Variants in AZIN2 observed in about 807,000 individuals in gnomAD.
The protein encoded by AZIN2 is antizyme inhibitor 2, also known as ODC antizyme inhibitor-2.
Under a neutral mutation model 47.8 loss-of-function variants are expected in AZIN2, and 28 were observed. The ratio of observed to expected loss-of-function variants is 0.59; its 90% CI spans 0.43 to 0.80. The LOEUF is 0.80. AZIN2 is among the 30% of genes least tolerant of loss of function. The probability of loss-of-function intolerance (pLI) is 0.00; values close to 1 mark genes in which losing one functional copy is unlikely to be tolerated. For missense variants in AZIN2, 535 were observed against 582.5 expected (o/e 0.92, Z 0.84); for synonymous variants, 221 against 239.4 (o/e 0.92, Z 0.71).
chr1:33,124,036 T>C (rs1252537239), downstream of AZIN2, among the ~76,000 whole-genome samples: 1 of 151,326 alleles, frequency 6.6e-6, no homozygotes, highest in Non-Finnish European at 1.5e-5. This position sits in a 1 kb window ranked among gnomAD's most constrained non-coding sequence, Gnocchi z 4.6. Context: ...CATGGTGGCG[T>C]GCACCTCTAA....
chr1:33,095,879 C>T (rs920208758), intron 8 of AZIN2, among the ~76,000 whole-genome samples: 1 of 152,148 alleles, frequency 6.6e-6, no homozygotes, highest in Non-Finnish European at 1.5e-5. Context: ...ACTCTATCAC[C>T]CAGGCGTGAG....
In AZIN2 at chr1:33,092,112, C is replaced by T. The variant is rs1375369890; in HGVS notation, c.342C>T (p.Pro114=). The change falls in exon 6 of 12, where the codon CCC becomes CCT. Residue 114 remains proline (P), a synonymous_variant. Transcript: ENST00000294517. ...CCAGTAAGATCATCTGCGCCAACCCCTGTAAGCAAATTGCACAGATCAAAT... is the reference window on the plus strand; with the variant it reads ...CCAGTAAGATCATCTGCGCCAACCCTTGTAAGCAAATTGCACAGATCAAAT... ...IPASKIICAN[P]CKQIAQIKYA... is the part of the protein sequence containing the mutation. 2 of 1,614,172 alleles carry T rather than the reference C, an allele frequency of 1.2e-6. No homozygotes were observed. Among genetic ancestry groups the T allele is most frequent in the Admixed American group, 1.7e-5 (1 of 60,018 alleles).
chr1:33,090,775 G>C (rs1371962190), intron 5 of AZIN2, among the ~76,000 whole-genome samples: 1 of 152,114 alleles, frequency 6.6e-6, no homozygotes, highest in Non-Finnish European at 1.5e-5. Context: ...TAGTCACCAT[G>C]ATGTACATTA....
At chr1:33,147,813 G>C in the AZIN2 span, 2 of 1,489,644 alleles carry the variant, frequency 1.3e-6, no homozygotes, top group African/African-American at 2.8e-5. The surrounding 1 kb of genome is among the most constrained non-coding windows in gnomAD (Gnocchi z 8.1). Flanking sequence ...GCAGAGTTCT[G>C]GTTGGTACGC....
the AZIN2 span, chr1:33,142,175 A>C: frequency 1.3e-5 from 2 of 152,138 alleles, no homozygotes; most frequent in Non-Finnish European, 2.9e-5. Context: ...GGGCCTTTGC[A>C]ACTGACCTTG....
rs1465736908 is a variant in AZIN2 at position 33,113,223 on chromosome 1, C to G, written c.1030-4679C>G. 1.3e-5 allele frequency among the ~76,000 whole-genome samples: 2 copies of G among 152,244 alleles called. No individual in the cohort carries two copies. Among genetic ancestry groups the G allele is most frequent in the African/African-American group, 4.8e-5 (2 of 41,474 alleles). On this transcript the variant is annotated intron_variant, in intron 10 of 11. Transcript: ENST00000294517. This position sits in a 1 kb window ranked among gnomAD's most constrained non-coding sequence, Gnocchi z 4.1. ...GACCTCATGATCTGCCTACCTCTGCCTCCCAAAGTGTTGGGATTCCAGGCG... is the reference window on the plus strand; with the variant it reads ...GACCTCATGATCTGCCTACCTCTGCGTCCCAAAGTGTTGGGATTCCAGGCG...
the AZIN2 span, chr1:33,159,653 G>C: frequency 1.3e-6 from 2 of 1,582,172 alleles, no homozygotes; most frequent in Admixed American, 1.7e-5. The surrounding 1 kb of genome is among the most constrained non-coding windows in gnomAD (Gnocchi z 4.2). Flanking sequence ...GGAGGGGATG[G>C]TCAGCCGGGG....
chr1:33,158,648 G>A, the AZIN2 span, among the ~76,000 whole-genome samples: 5 of 152,136 alleles, frequency 3.3e-5, no homozygotes, highest in Admixed American at 2.6e-4. Context: ...CACAGTGCTC[G>A]GTCACGGTCA....
At chr1:33,104,167 G>A (rs1329667887) in intron 10 of AZIN2, among the ~76,000 whole-genome samples, 1 of 152,278 alleles carries the variant, frequency 6.6e-6, no homozygotes, top group East Asian at 1.9e-4. Context: ...ACAGGCATGA[G>A]CCACTGTACC....
chr1:33,166,528 C>T, the AZIN2 span, among the ~76,000 whole-genome samples: 1 of 152,090 alleles, frequency 6.6e-6, no homozygotes, highest in Non-Finnish European at 1.5e-5. Flanking sequence ...ATCATTTGGG[C>T]CTCTCAGTAA....
chr1:33,101,949 G>T, intron 10 of AZIN2: 2 of 760,124 alleles, frequency 2.6e-6, no homozygotes, highest in Middle Eastern at 2.3e-4. Flanking sequence ...CAAGGCATTT[G>T]GACTGTCTTT....
rs1177912401 is a variant in AZIN2 at position 33,113,900 on chromosome 1, T to G, written c.1030-4002T>G. The stretch of plus-strand genomic sequence containing the variant: ...TGTATTGGGAAAATTAAACTTGAAC[T>G]GTAGATCTATATTTTCCATGTTATG... On this transcript the variant is annotated intron_variant, in intron 10 of 11. Transcript: ENST00000294517. This position sits in a 1 kb window ranked among gnomAD's most constrained non-coding sequence, Gnocchi z 4.1. Among the ~76,000 whole-genome samples the G allele has an allele frequency of 2.0e-5, 3 of 152,216 alleles. No individual in the cohort carries two copies. Among genetic ancestry groups the G allele is most frequent in the African/African-American group, 7.2e-5 (3 of 41,448 alleles).
chr1:33,127,206 T>G (rs1328579447), downstream of AZIN2, among the ~76,000 whole-genome samples: 2 of 152,220 alleles, frequency 1.3e-5, no homozygotes, highest in African/African-American at 2.4e-5. Flanking sequence ...CTCTCAGAAG[T>G]GGAAACGATT....
At position 33,103,770 on chromosome 1, in the gene AZIN2, A is replaced by C. The variant is rs1458634529; in HGVS notation, c.1029+5591A>C. On this transcript the variant is annotated intron_variant, in intron 10 of 11. Transcript: ENST00000294517. ...TGTTGAATGAATTGTGAATGGATGA[A>C]TCAATCATTCAATAAACTGTGAGAC... 2.6e-5 allele frequency among the ~76,000 whole-genome samples: 4 copies of C among 152,170 alleles called. No individual in the cohort carries two copies. The East Asian group carries it at 7.7e-4, about 29-fold the overall frequency.
chr1:33,154,493 T>C, the AZIN2 span, among the ~76,000 whole-genome samples: 2 of 151,806 alleles, frequency 1.3e-5, no homozygotes, highest in South Asian at 4.2e-4. Flanking sequence ...CTTTTTTTTT[T>C]CTTAATTAAA....
At chr1:33,158,368 C>T in the AZIN2 span, 1 of 1,613,130 alleles carries the variant, frequency 6.2e-7, no homozygotes, top group Non-Finnish European at 8.5e-7. Context: ...TTCCCTTGAG[C>T]CTGGAAGGAG....
the AZIN2 span, among the ~76,000 whole-genome samples, chr1:33,148,689 CACA>C: frequency 6.6e-6 from 1 of 152,084 alleles, no homozygotes; most frequent in South Asian, 2.1e-4. Context: ...CATATACACA[CACA>C]ACACTTGAAA....
chr1:33,118,054 G>C lies in AZIN2; in HGVS notation c.1182G>C (p.Met394Ile), dbSNP rs144692370. 2 of 1,533,026 alleles carry C rather than the reference G, an allele frequency of 1.3e-6. No individual in the cohort carries two copies. The highest frequency in any genetic ancestry group is 2.6e-5 in the South Asian group (2 of 76,978). 95.0% of individuals were successfully genotyped at this position (1,533,026 alleles called of 1,614,324 possible). ...ACATGGGCGCCTACACTGTGGGCAT[G>C]GGTTCCCCCTTTTGGGGGACCCAGG... is the stretch of plus-strand genomic sequence containing the variant. Reference protein sequence around the residue: ...FDNMGAYTVGMGSPFWGTQAC... With the variant: ...FDNMGAYTVGIGSPFWGTQAC... The change falls in exon 11 of 12, where the codon ATG becomes ATC. Residue 394 changes from methionine (M) to isoleucine (I), a missense_variant. Met to Ile is a conservative substitution (Grantham distance 10). This residue lies in a region of AZIN2 where 122 missense variants were observed against 135.8 expected (regional missense o/e 0.90). Coordinates refer to ENST00000294517, the MANE Select transcript of AZIN2 (RefSeq NM_052998.4).
At chr1:33,086,716 G>A (rs932553265) in intron 5 of AZIN2, among the ~76,000 whole-genome samples, 2 of 152,226 alleles carry the variant, frequency 1.3e-5, no homozygotes, top group African/African-American at 4.8e-5. Context: ...GAGGACCACT[G>A]TATCATCTCT....
Sources: allele counts gnomAD v4.1 joint callset (sites outside exome capture counted in the v4.1 genomes callset), GRCh38; gene constraint gnomAD v4.1.1; regional missense constraint gnomAD v4.1.1; non-coding constraint Gnocchi (gnomAD v3.1); transcripts MANE v1.5; gene names NCBI Gene and HGNC (gene_info 2026-07-23, HGNC 2026-07-21).